Variants in SLA observed in about 807,000 individuals in gnomAD.
SLA encodes src-like-adapter.
A neutral mutation model predicts 30.3 loss-of-function variants in SLA; 16 were observed. The observed-to-expected ratio is 0.53, with a 90% CI of 0.36 to 0.80. The LOEUF (loss-of-function observed/expected upper bound fraction) is 0.80, where lower values mean the gene tolerates loss of function less well. Among genes scored for constraint, SLA ranks in the 30% least tolerant of loss-of-function variants. The probability of loss-of-function intolerance (pLI) is 0.01; values close to 1 mark genes in which losing one functional copy is unlikely to be tolerated. For synonymous variants in SLA, 143 were observed against 137.8 expected, an observed-to-expected ratio of 1.04 and a Z score of -0.26; for missense variants, 310 against 345.2, an observed-to-expected ratio of 0.90 and a Z score of 0.81.
intron 3 of SLA, among the ~76,000 whole-genome samples, chr8:133,052,793 G>A (rs1840656422): frequency 6.6e-6 from 1 of 152,230 alleles, no homozygotes; most frequent in African/African-American, 2.4e-5. Context: ...ACCAGCAAGG[G>A]GGTCTCAGGC....
chr8:133,056,758 C>T (rs1190054382), intron 3 of SLA, among the ~76,000 whole-genome samples: 1 of 152,150 alleles, frequency 6.6e-6, no homozygotes, highest in Non-Finnish European at 1.5e-5. Flanking sequence ...TCTAATCATT[C>T]CCGTTTTACA....
chr8:133,073,430 A>G (rs1844373960), intron 2 of SLA, among the ~76,000 whole-genome samples: 1 of 152,098 alleles, frequency 6.6e-6, no homozygotes, highest in African/African-American at 2.4e-5. Flanking sequence ...ATCTCAGCTC[A>G]CTGCAACCTG....
intron 3 of SLA, among the ~76,000 whole-genome samples, chr8:133,051,320 A>G (rs1408645320): frequency 6.6e-6 from 1 of 152,150 alleles, no homozygotes; most frequent in Non-Finnish European, 1.5e-5. Context: ...GTTACACCAC[A>G]TACGTTCACA....
chr8:133,084,799 A>G (rs1397620889), intron 1 of SLA, among the ~76,000 whole-genome samples: 1 of 152,226 alleles, frequency 6.6e-6, no homozygotes, highest in Non-Finnish European at 1.5e-5. Flanking sequence ...TCCACAGGCA[A>G]GGGGGACAGT....
chr8:133,047,551 T>G, intron 6 of SLA: 1 of 458,732 alleles, frequency 2.2e-6, no homozygotes, highest in Non-Finnish European at 4.0e-6. Context: ...TGCGTTCAGT[T>G]TTGTTCTCAG....
intron 2 of SLA, among the ~76,000 whole-genome samples, chr8:133,069,853 T>G (rs1370679133): frequency 6.6e-6 from 1 of 151,226 alleles, no homozygotes; most frequent in African/African-American, 2.4e-5. Context: ...AATACAAAAA[T>G]CAGCTGGGCG....
At chr8:133,040,158 G>A (rs762738225) in intron 7 of SLA, 28 bp from the exon 8 acceptor site, 8 of 1,567,496 alleles carry the variant, frequency 5.1e-6, no homozygotes, top group Middle Eastern at 1.7e-4. Flanking sequence ...CAGCCGGTCA[G>A]GGACCCTGGG....
intron 3 of SLA, among the ~76,000 whole-genome samples, chr8:133,055,359 ACGCGCG>A (rs150703045): frequency 0.028 from 2,413 of 86,700 alleles, 32 homozygotes; most frequent in African/African-American, 0.084. Context: ...ACACACACGC[ACGCGCG>A]CACACACACA....
rs144956621 is a variant in SLA, at chr8:133,054,521, G to C, written c.62-3606C>G. On this transcript the variant is annotated intron_variant, in intron 3 of 8. Coordinates refer to ENST00000338087, the MANE Select transcript of SLA (RefSeq NM_001045556.3). The stretch of plus-strand genomic sequence containing the variant: ...CTCATAGGATTGAGTGAAGGATTCA[G>C]GATGCATTGCATTTTAGGGCCTGCC... Among the ~76,000 whole-genome samples the C allele has an allele frequency of 3.1e-3, 479 of 152,298 alleles. 6 individuals carry two copies. The highest frequency in any genetic ancestry group is 0.011 in the African/African-American group (457 of 41,564).
intron 1 of SLA, among the ~76,000 whole-genome samples, chr8:133,100,767 G>A (rs946470692): frequency 6.6e-6 from 1 of 152,060 alleles, no homozygotes; most frequent in African/African-American, 2.4e-5. Context: ...CTAGAATAAA[G>A]GCTACTATGT....
intron 1 of SLA, among the ~76,000 whole-genome samples, chr8:133,078,017 A>C (rs1588016903): frequency 6.6e-6 from 1 of 152,168 alleles, no homozygotes; most frequent in East Asian, 1.9e-4. Context: ...TGGGTTGTAA[A>C]GTGCTGCCCT....
intron 3 of SLA, 82 bp downstream of exon 3, chr8:133,060,018 A>C: frequency 7.1e-7 from 1 of 1,412,318 alleles, no homozygotes; most frequent in Non-Finnish European, 9.5e-7. Context: ...TTAAGTAGTT[A>C]CCGGCATCCA....
At chr8:133,101,414 C>A (rs968358825) in intron 1 of SLA, among the ~76,000 whole-genome samples, 3 of 152,180 alleles carry the variant, frequency 2.0e-5, no homozygotes, top group African/African-American at 7.2e-5. Context: ...CAAGAAGGCT[C>A]CATGGCACCT....
intron 6 of SLA, among the ~76,000 whole-genome samples, chr8:133,046,810 T>A (rs562044969): frequency 5.1e-4 from 77 of 152,322 alleles, no homozygotes; most frequent in South Asian, 1.4e-3. Context: ...AGATTTTTTT[T>A]AAATCATATA....
chr8:133,063,598 A>G (rs189074077), intron 2 of SLA: 62 of 151,954 alleles, frequency 4.1e-4, no homozygotes, highest in African/African-American at 1.4e-3. Context: ...ATGAGATGAG[A>G]AAGTTTGAGT....
intron 1 of SLA, among the ~76,000 whole-genome samples, chr8:133,077,645 C>T (rs1845098464): frequency 6.6e-6 from 1 of 152,132 alleles, no homozygotes. Context: ...ACAGGTGACT[C>T]AAATCTTAGG....
chr8:133,080,462 T>C (rs547568221), intron 1 of SLA, among the ~76,000 whole-genome samples: 2 of 152,238 alleles, frequency 1.3e-5, no homozygotes, highest in South Asian at 2.1e-4. Context: ...TAGCCTCCCA[T>C]TGGGTCTTCC....
chr8:133,064,580 G>A (rs141820484), intron 2 of SLA, among the ~76,000 whole-genome samples: 34 of 152,342 alleles, frequency 2.2e-4, no homozygotes, highest in African/African-American at 3.6e-4. Context: ...TCTCTCCAGC[G>A]TAAGGAACTC....
intron 1 of SLA, chr8:133,095,246 T>A (rs1338826790): frequency 4.3e-6 from 7 of 1,614,056 alleles, no homozygotes; most frequent in Non-Finnish European, 5.9e-6. Flanking sequence ...GGACATTCTC[T>A]GGTCTTTTAC....
Sources: allele counts gnomAD v4.1 joint callset (sites outside exome capture counted in the v4.1 genomes callset), GRCh38; gene constraint gnomAD v4.1.1; transcripts MANE v1.5; gene names NCBI Gene and HGNC (gene_info 2026-07-23, HGNC 2026-07-21).